The following FBXL3 variants were observed in gnomAD, a reference collection of about 807,000 sequenced individuals.
FBXL3 encodes F-box and leucine rich repeat protein 3.
Under a neutral mutation model 37.9 loss-of-function variants are expected in FBXL3, and 14 were observed. The observed-to-expected ratio is 0.37, with a 90% CI of 0.24 to 0.58. The LOEUF is 0.58. Among genes scored for constraint, FBXL3 ranks in the 20% least tolerant of loss-of-function variants. The probability of loss-of-function intolerance (pLI) is 0.74; values close to 1 mark genes in which losing one functional copy is unlikely to be tolerated. For synonymous variants in FBXL3, 194 were observed against 180.1 expected (o/e 1.08, Z -0.62); for missense variants, 327 against 511.1 (o/e 0.64, Z 3.47).
rs768433144 is a variant in FBXL3, at chr13:77,021,497, G to A, written c.348+16C>T. 3.9e-6 allele frequency: 6 copies of A among 1,550,960 alleles called. 1 individual carries two copies. The highest frequency in any genetic ancestry group is 2.3e-5 in the East Asian group (1 of 44,284). On this transcript the variant is annotated intron_variant, in intron 2 of 4. Transcript: ENST00000355619. ...AAAAATACTTTATTTTTTAAAAGAA[G>A]GATTTAAAATATTACCTTGAAGCTG...
chr13:77,011,857 C>A (rs75343734), intron 4 of FBXL3, among the ~76,000 whole-genome samples: 7,913 of 152,146 alleles, frequency 0.052, 375 homozygotes, highest in East Asian at 0.21. Flanking sequence ...CTGCTAGTGG[C>A]TATGTAAAGT....
In FBXL3 at chr13:77,015,201, T is replaced by C. The variant is rs566044807; in HGVS notation, c.643+208A>G. ...CTAGCATGTGCTATTCATAAATTTA[T>C]CAAATAAGATTAGAAAATAAGCTGA... On this transcript the variant is annotated intron_variant, in intron 4 of 4. Transcript: ENST00000355619. 4 of 359,374 alleles carry C rather than the reference T, an allele frequency of 1.1e-5. No individual in the cohort carries two copies. The South Asian group carries it at 5.1e-4, about 46-fold the overall frequency. The allele number at this position is 359,374 out of a possible 1,614,324, so 22.3% of individuals were successfully genotyped here.
In FBXL3 at chr13:77,006,732, A is replaced by T. The variant is rs766838516; in HGVS notation, c.*413T>A. 1.2e-6 allele frequency: 1 copy of T among 810,974 alleles called. No homozygotes were observed. 50.2% of individuals were successfully genotyped at this position (810,974 alleles called of 1,614,324 possible). On this transcript the variant is annotated 3_prime_UTR_variant, in exon 5 of 5. Coordinates refer to ENST00000355619, the MANE Select transcript of FBXL3 (RefSeq NM_012158.4). Reference sequence around the variant, plus strand: ...TTTCCTGAGCTATATTAAACACCTTATAACAGGTGTATGTGTAACTGAAGA... The same window carrying T: ...TTTCCTGAGCTATATTAAACACCTTTTAACAGGTGTATGTGTAACTGAAGA...
chr13:77,020,843 C>T (rs967301195), intron 2 of FBXL3, among the ~76,000 whole-genome samples: 1 of 152,088 alleles, frequency 6.6e-6, no homozygotes, highest in East Asian at 1.9e-4. Context: ...GCAATCTTCC[C>T]GCCTCAGCCT....
intron 4 of FBXL3, chr13:77,013,933 A>C (rs568719286): frequency 6.6e-6 from 1 of 152,366 alleles, no homozygotes; most frequent in East Asian, 1.9e-4. Flanking sequence ...ATATACCAGA[A>C]TAAAGAGAAC....
At chr13:77,007,844 AATTC>A in intron 4 of FBXL3, 56 bp from the exon 5 acceptor site, 1 of 1,470,516 alleles carries the variant, frequency 6.8e-7, no homozygotes. Context: ...TCTGTTGAAA[AATTC>A]AATCAAGTAC....
intron 4 of FBXL3, among the ~76,000 whole-genome samples, chr13:77,012,553 G>T (rs894811230): frequency 1.4e-4 from 22 of 152,030 alleles, no homozygotes; most frequent in African/African-American, 4.6e-4. Flanking sequence ...TATTAAGGAA[G>T]CAACAGGCAA....
chr13:77,026,271 G>A lies in FBXL3; in HGVS notation c.-2+556C>T, dbSNP rs1289120491. The A allele has an allele frequency of 9.1e-6, 9 of 985,254 alleles. No individual in the cohort carries two copies. In the Admixed American group the frequency reaches 4.9e-4, roughly 54 times the overall value. 61.0% of individuals were successfully genotyped at this position (985,254 alleles called of 1,614,324 possible). On this transcript the variant is annotated intron_variant, in intron 1 of 4. Coordinates refer to ENST00000355619, the MANE Select transcript of FBXL3 (RefSeq NM_012158.4). ...CCACGCCAAAGGCAGACGCGAATCC[G>A]CTCAACACAAGTTGACCAAGTTTTT...
intron 1 of FBXL3, among the ~76,000 whole-genome samples, chr13:77,022,752 T>G (rs909305813): frequency 3.3e-5 from 5 of 152,236 alleles, no homozygotes; most frequent in Non-Finnish European, 7.3e-5. Context: ...TATTTGTTTA[T>G]TCTATGTATT....
chr13:77,013,332 G>A (rs2034587762), intron 4 of FBXL3: 3 of 152,108 alleles, frequency 2.0e-5, no homozygotes, highest in Admixed American at 2.0e-4. Context: ...CTTCTTGCCG[G>A]GGTCCAGTCT....
Position 77,006,793 on chromosome 13 carries a change from C to T in FBXL3, c.*352G>A, listed in dbSNP as rs1373733511. On this transcript the variant is annotated 3_prime_UTR_variant, in exon 5 of 5. Transcript: ENST00000355619. Reference sequence around the variant, plus strand: ...TCAAGTTTACATTTTTTTTTAAATGCATAGAGAATATAACATTTCAGAAAA... The same window carrying T: ...TCAAGTTTACATTTTTTTTTAAATGTATAGAGAATATAACATTTCAGAAAA... The T allele has an allele frequency of 9.9e-7, 1 of 1,008,234 alleles. No individual in the cohort carries two copies. Among genetic ancestry groups the T allele is most frequent in the East Asian group, 8.8e-5 (1 of 11,314 alleles). The allele number at this position is 1,008,234 out of a possible 1,614,324, so 62.5% of individuals were successfully genotyped here.
At chr13:77,012,730 ACTGAAAT>A (rs2034576252) in intron 4 of FBXL3, 5 of 152,246 alleles carry the variant, frequency 3.3e-5, no homozygotes, top group Admixed American at 1.3e-4. Flanking sequence ...TGAAATTTCA[ACTGAAAT>A]CTTATGTGGT....
At chr13:77,016,981 G>A (rs1180188449) in intron 3 of FBXL3, 1 of 151,924 alleles carries the variant, frequency 6.6e-6, no homozygotes, top group African/African-American at 2.4e-5. Context: ...ATTATATCTT[G>A]TACAAACATA....
At chr13:77,024,284 A>T (rs1440250750) in intron 1 of FBXL3, among the ~76,000 whole-genome samples, 2 of 152,184 alleles carry the variant, frequency 1.3e-5, no homozygotes, top group South Asian at 2.1e-4. Context: ...ATTTTAGTAT[A>T]TAAAATTTGG....
chr13:77,026,415 T>G, intron 1 of FBXL3: 1 of 967,922 alleles, frequency 1.0e-6, no homozygotes, highest in Non-Finnish European at 1.2e-6. Context: ...TTTCAGTGCC[T>G]CATTGCTCAA....
At position 77,007,223 on chromosome 13, in the gene FBXL3, A is replaced by G. The variant is rs765244259; in HGVS notation, c.1209T>C (p.Tyr403=). 2.0e-5 allele frequency: 32 copies of G among 1,613,932 alleles called. No homozygotes were observed. The Admixed American group carries it at 5.3e-4, about 27-fold the overall frequency. ...MEEVLIPDQK[Y]SLEQIHWEVS... ...CTTCCCAGTGAATCTGCTCCAAACT[A>G]TACTTTTGGTCAGGAATTAGTACTT... is the stretch of plus-strand genomic sequence containing the variant. Residue 403 remains tyrosine (Y), a synonymous_variant, in exon 5 of 5, where the codon TAT becomes TAC. Coordinates refer to ENST00000355619, the MANE Select transcript of FBXL3 (RefSeq NM_012158.4).
intron 1 of FBXL3, among the ~76,000 whole-genome samples, chr13:77,023,216 G>T (rs1254325527): frequency 1.3e-5 from 2 of 152,210 alleles, no homozygotes; most frequent in Non-Finnish European, 2.9e-5. Context: ...CTGGAGTGCA[G>T]TGGCACGATC....
chr13:77,022,479 CAT>C (rs999547525), intron 1 of FBXL3, among the ~76,000 whole-genome samples: 28 of 152,320 alleles, frequency 1.8e-4, no homozygotes, highest in African/African-American at 5.1e-4. Context: ...GAAATGTCCA[CAT>C]GAGGGATCTA....
At chr13:77,022,077 T>C (rs1479338692) in intron 1 of FBXL3, among the ~76,000 whole-genome samples, 1 of 152,210 alleles carries the variant, frequency 6.6e-6, no homozygotes. Context: ...TGGCATGTTT[T>C]TAAACATCTA....
Sources: gnomAD v4.1 joint callset for allele counts (sites outside exome capture counted in the v4.1 genomes callset) on GRCh38, gnomAD v4.1.1 for gene constraint, MANE v1.5 for transcripts, NCBI Gene and HGNC (gene_info 2026-07-23, HGNC 2026-07-21) for gene names.